Variants in ARFIP1 observed in about 807,000 individuals in gnomAD.
The protein encoded by ARFIP1 is arfaptin-1.
A neutral mutation model predicts 42.5 loss-of-function variants in ARFIP1; 24 were observed. The ratio of observed to expected loss-of-function variants is 0.57; its 90% CI spans 0.41 to 0.80. The LOEUF (loss-of-function observed/expected upper bound fraction) is 0.80, where lower values mean the gene tolerates loss of function less well. Among genes scored for constraint, ARFIP1 ranks in the 30% least tolerant of loss-of-function variants. ARFIP1 has a pLI of 0.00. For synonymous variants in ARFIP1, 141 were observed against 153.7 expected, an observed-to-expected ratio of 0.92 and a Z score of 0.61; for missense variants, 354 against 434.0, an observed-to-expected ratio of 0.82 and a Z score of 1.64.
At chr4:152,782,925 A>G (rs1160739668) in intron 1 of ARFIP1, among the ~76,000 whole-genome samples, 4 of 152,188 alleles carry the variant, frequency 2.6e-5, no homozygotes, top group African/African-American at 9.7e-5. Context: ...ATCATAGTCT[A>G]TCATGAGTAT....
rs150495647 is a variant in ARFIP1 at position 152,874,705 on chromosome 4, C to G, written c.411+2141C>G. Reference sequence around the variant, plus strand: ...TGTGTAGATAGGTCTCACTCTGTCACTCAGGCTTGAGTGCAGTTGTATGAT... The same window carrying G: ...TGTGTAGATAGGTCTCACTCTGTCAGTCAGGCTTGAGTGCAGTTGTATGAT... On this transcript the variant is annotated intron_variant, in intron 5 of 8. Coordinates refer to ENST00000353617, the MANE Select transcript of ARFIP1 (RefSeq NM_001025595.3). 2.8e-3 allele frequency among the ~76,000 whole-genome samples: 428 copies of G among 152,052 alleles called. 2 individuals carry two copies. Among genetic ancestry groups the G allele is most frequent in the South Asian group, 7.5e-3 (36 of 4,810 alleles).
chr4:152,849,594 T>C (rs1006886331), intron 2 of ARFIP1, among the ~76,000 whole-genome samples: 1 of 152,044 alleles, frequency 6.6e-6, no homozygotes, highest in African/African-American at 2.4e-5. Context: ...AAAAGGTACT[T>C]GTAAGTTCTT....
At chr4:152,909,321 G>T (rs1025167855) in intron 8 of ARFIP1, among the ~76,000 whole-genome samples, 2 of 152,312 alleles carry the variant, frequency 1.3e-5, no homozygotes, top group East Asian at 3.9e-4. Flanking sequence ...GGAGGCAGAG[G>T]TTGCAGTGAG....
In ARFIP1 at chr4:152,829,617, T is replaced by G. The variant is rs1322073788; in HGVS notation, c.-9-8T>G. ...AGTTACGGCGCTTTTTTTCTTCTTT[T>G]GTTTTAGGAGTCTACCATGGCTCAA... On this transcript the variant is annotated splice_region_variant and splice_polypyrimidine_tract_variant and intron_variant, in intron 1 of 8. Coordinates refer to ENST00000353617, the MANE Select transcript of ARFIP1 (RefSeq NM_001025595.3). The G allele has an allele frequency of 6.3e-7, 1 of 1,586,618 alleles. No individual in the cohort carries two copies. Among genetic ancestry groups the G allele is most frequent in the Non-Finnish European group, 8.6e-7 (1 of 1,168,698 alleles).
chr4:152,854,075 G>A (rs1036487008), intron 2 of ARFIP1, among the ~76,000 whole-genome samples: 1 of 151,784 alleles, frequency 6.6e-6, no homozygotes, highest in African/African-American at 2.4e-5. Context: ...ACCACACCCA[G>A]CTAATTTTTG....
Position 152,904,201 on chromosome 4 carries a change from T to A in ARFIP1, c.967-5863T>A, listed in dbSNP as rs79592851. 3.3e-3 allele frequency among the ~76,000 whole-genome samples: 484 copies of A among 144,746 alleles called. 9 individuals carry two copies. Among genetic ancestry groups the A allele is most frequent in the African/African-American group, 4.1e-3 (163 of 39,934 alleles). 95.0% of individuals were successfully genotyped at this position (144,746 alleles called of 152,430 possible). A position where few individuals can be genotyped will look rare whatever the true frequency, so the allele number is the denominator to read the frequency against. On this transcript the variant is annotated intron_variant, in intron 8 of 8. Transcript: ENST00000353617. ...GTGTGTATATATATATATATATATT[T>A]TTTTTTTTTTAACGGAGTCTCGCTC...
chr4:152,809,596 G>A (rs940324368), intron 1 of ARFIP1: 2 of 152,174 alleles, frequency 1.3e-5, no homozygotes, highest in Admixed American at 1.3e-4. Context: ...GTACCCTTTA[G>A]GAATGAAGCA....
At chr4:152,824,705 CA>C (rs1383460717) in intron 1 of ARFIP1, among the ~76,000 whole-genome samples, 1 of 152,016 alleles carries the variant, frequency 6.6e-6, no homozygotes, top group Non-Finnish European at 1.5e-5. Context: ...AGGAATCAGG[CA>C]AAAGAAAGAA....
chr4:152,780,164 A>G lies in ARFIP1; in HGVS notation c.-72A>G, dbSNP rs1265796445. 6.6e-6 allele frequency: 1 copy of G among 152,368 alleles called. No homozygotes were observed. The allele number at this position is 152,368 out of a possible 1,614,324, so 9.4% of individuals were successfully genotyped here. ...CTCAGTTTTTGCCAGGGTTGAGGCG[A>G]TTCCAGAGAGCGGCGGAAAGGATAA... is the stretch of plus-strand genomic sequence containing the variant. On this transcript the variant is annotated 5_prime_UTR_variant, in exon 1 of 9. Transcript: ENST00000353617.
chr4:152,842,831 T>G (rs1732204401), intron 2 of ARFIP1, among the ~76,000 whole-genome samples: 1 of 152,288 alleles, frequency 6.6e-6, no homozygotes, highest in East Asian at 1.9e-4. Flanking sequence ...TTATGTCTTT[T>G]TTTTTGGATT....
intron 1 of ARFIP1, among the ~76,000 whole-genome samples, chr4:152,789,655 C>T (rs892554173): frequency 1.3e-5 from 2 of 152,118 alleles, no homozygotes; most frequent in Non-Finnish European, 2.9e-5. Context: ...CCCTTTCAGT[C>T]GTTTATTTAT....
intron 1 of ARFIP1, among the ~76,000 whole-genome samples, chr4:152,800,597 T>C (rs1299890328): frequency 6.6e-6 from 1 of 152,202 alleles, no homozygotes; most frequent in African/African-American, 2.4e-5. Flanking sequence ...TTGCATTAGA[T>C]ATTTATTAGT....
chr4:152,889,498 CAT>C (rs71595203), intron 8 of ARFIP1, among the ~76,000 whole-genome samples: 1,640 of 42,668 alleles, frequency 0.038, 71 homozygotes, highest in African/African-American at 0.1. Flanking sequence ...TCATTTTAGT[CAT>C]ATATATATAT....
intron 1 of ARFIP1, among the ~76,000 whole-genome samples, chr4:152,783,579 A>C (rs563278205): frequency 2.0e-5 from 3 of 152,216 alleles, no homozygotes. Context: ...GAGCCAGTGC[A>C]TGGCTCCACC....
intron 8 of ARFIP1, among the ~76,000 whole-genome samples, chr4:152,896,279 G>A (rs910289822): frequency 6.6e-6 from 1 of 152,120 alleles, no homozygotes; most frequent in African/African-American, 2.4e-5. Context: ...CCTACACAAA[G>A]GTGAAATAAC....
chr4:152,870,639 T>C (rs943797746), intron 3 of ARFIP1, 114 bp from the exon 4 acceptor site: 5 of 727,392 alleles, frequency 6.9e-6, no homozygotes, highest in Non-Finnish European at 1.2e-5. Context: ...TAATTCCAAC[T>C]TTTAATCCTA....
At chr4:152,840,375 GCTGT>G (rs1352802153) in intron 2 of ARFIP1, among the ~76,000 whole-genome samples, 2 of 152,074 alleles carry the variant, frequency 1.3e-5, no homozygotes, top group African/African-American at 4.8e-5. Flanking sequence ...TTATTGTGTT[GCTGT>G]CTATCTCATT....
At chr4:152,851,906 A>G (rs1387647068) in intron 2 of ARFIP1, among the ~76,000 whole-genome samples, 1 of 152,178 alleles carries the variant, frequency 6.6e-6, no homozygotes, top group African/African-American at 2.4e-5. Flanking sequence ...CAAAATGGAG[A>G]CGTTATTTTT....
At chr4:152,888,709 G>A (rs928234641) in intron 8 of ARFIP1, among the ~76,000 whole-genome samples, 30 of 152,090 alleles carry the variant, frequency 2.0e-4, no homozygotes, top group African/African-American at 6.8e-4. Flanking sequence ...GTGAAAAATA[G>A]CTAAAAGGTC....
Sources: allele counts gnomAD v4.1 joint callset (sites outside exome capture counted in the v4.1 genomes callset), GRCh38; gene constraint gnomAD v4.1.1; transcripts MANE v1.5; gene names NCBI Gene and HGNC (gene_info 2026-07-23, HGNC 2026-07-21).